Variants in GYS1 observed in about 807,000 individuals in gnomAD.
GYS1 encodes glycogen [starch] synthase, muscle.
GYS1 carries 60 observed loss-of-function variants against 89.1 expected under a neutral mutation model. The ratio of observed to expected loss-of-function variants is 0.67; its 90% CI spans 0.55 to 0.84. The LOEUF (loss-of-function observed/expected upper bound fraction) is 0.84. Among genes scored for constraint, GYS1 ranks in the 40% least tolerant of loss-of-function variants. The pLI is 0.00. For synonymous variants in GYS1, 366 were observed against 401.7 expected (o/e 0.91, Z 1.06); for missense variants, 888 against 1,003.1 (o/e 0.89, Z 1.55).
At chr19:48,980,311 T>C (rs2038739368) in intron 8 of GYS1, among the ~76,000 whole-genome samples, 1 of 152,186 alleles carries the variant, frequency 6.6e-6, no homozygotes, top group African/African-American at 2.4e-5. Flanking sequence ...TGCTTTATTT[T>C]TGCCCAAAAG....
intron 7 of GYS1, 58 bp from the exon 8 acceptor site, chr19:48,981,694 C>G: frequency 9.0e-7 from 1 of 1,116,060 alleles, no homozygotes; most frequent in Admixed American, 1.7e-5. Flanking sequence ...CTGGAACCAG[C>G]CAGCCTTTCT....
intron 2 of GYS1, among the ~76,000 whole-genome samples, chr19:48,988,637 C>T (rs759504904): frequency 2.2e-4 from 34 of 152,034 alleles, no homozygotes; most frequent in Non-Finnish European, 1.6e-4. Flanking sequence ...TTTTCAGAGA[C>T]GGGGTCTTGC....
rs545652108 is a variant in GYS1 at position 48,981,754 on chromosome 19, T to C, written c.1063-118A>G. 62 of 702,222 alleles carry C rather than the reference T, an allele frequency of 8.8e-5. No homozygotes were observed. The Admixed American group carries it at 1.0e-3, about 12-fold the overall frequency. 43.5% of individuals were successfully genotyped at this position (702,222 alleles called of 1,614,324 possible). Reference sequence around the variant, plus strand: ...TACCCATTCCTGTCAAGGAGAATTATAGGACAGTCCCCACCTGGACTCTGA... The same window carrying C: ...TACCCATTCCTGTCAAGGAGAATTACAGGACAGTCCCCACCTGGACTCTGA... On this transcript the variant is annotated intron_variant, in intron 7 of 15. Coordinates refer to ENST00000323798, the MANE Select transcript of GYS1 (RefSeq NM_002103.5).
intron 13 of GYS1, 107 bp from the exon 14 acceptor site, chr19:48,970,816 C>T (rs1261704768): frequency 1.4e-6 from 2 of 1,405,576 alleles, no homozygotes; most frequent in East Asian, 4.6e-5. Flanking sequence ...CCGAGAGCCC[C>T]CCCATTTCCT....
chr19:48,972,557 C>T (rs954538355), intron 12 of GYS1, among the ~76,000 whole-genome samples: 4 of 152,002 alleles, frequency 2.6e-5, no homozygotes, highest in African/African-American at 9.7e-5. Flanking sequence ...CAGCTCACTG[C>T]AATCTCTGCC....
intron 12 of GYS1, among the ~76,000 whole-genome samples, chr19:48,972,195 G>A (rs147051843): frequency 0.067 from 10,190 of 151,852 alleles, 510 homozygotes; most frequent in Non-Finnish European, 0.1. Flanking sequence ...AAAATTAGCT[G>A]GGTGTGGTGG....
At position 48,985,850 on chromosome 19, in the gene GYS1, G is replaced by A. The variant is rs760384808; in HGVS notation, c.678C>T (p.Asn226=). ...GAVDFYNNLE[N]FNVDKEAGER... Reference sequence around the variant, plus strand: ...CCCATCTGCCACGGTCCCAGCTCACGTTCTCCAGGTTGTTGTAGAAGTCCA... The same window carrying A: ...CCCATCTGCCACGGTCCCAGCTCACATTCTCCAGGTTGTTGTAGAAGTCCA... The change falls in exon 4 of 16, where the codon AAC becomes AAT. Residue 226 remains asparagine, a splice_region_variant and synonymous_variant. Coordinates refer to ENST00000323798, the MANE Select transcript of GYS1 (RefSeq NM_002103.5). The A allele has an allele frequency of 1.8e-5, 29 of 1,612,928 alleles. No homozygotes were observed. Among genetic ancestry groups the A allele is most frequent in the East Asian group, 1.6e-4 (7 of 44,896 alleles).
In GYS1 at chr19:48,985,525, G is replaced by A. The variant is rs149182914; in HGVS notation, c.759C>T (p.His253=). The A allele has an allele frequency of 3.6e-5, 58 of 1,614,036 alleles. 1 individual carries two copies. The highest frequency in any genetic ancestry group is 3.3e-4 in the Middle Eastern group (2 of 6,062). Residue 253 remains histidine (H), a synonymous_variant, in exon 5 of 16, where the codon CAC becomes CAT. Transcript: ENST00000323798. The part of the protein sequence containing the change: ...CMERAAAHCA[H]VFTTVSQITA... Reference sequence around the variant, plus strand: ...TGATCTGGGACACAGTAGTGAAGACGTGAGCGCAGTGGGCTGCCGCCCTTT... The same window carrying A: ...TGATCTGGGACACAGTAGTGAAGACATGAGCGCAGTGGGCTGCCGCCCTTT...
At chr19:48,976,126 GGC>G (rs979322222) in intron 10 of GYS1, among the ~76,000 whole-genome samples, 12 of 151,856 alleles carry the variant, frequency 7.9e-5, no homozygotes, top group Non-Finnish European at 1.5e-5. Flanking sequence ...TGAGTCTAGG[GGC>G]CCGAGAAACT....
At chr19:48,974,393 A>G in intron 11 of GYS1, 54 bp from the exon 12 acceptor site, 2 of 1,601,086 alleles carry the variant, frequency 1.2e-6, no homozygotes, top group East Asian at 4.5e-5. Flanking sequence ...CTAAGCCCTG[A>G]GATCCCAAGG....
chr19:48,984,593 G>A lies in GYS1; in HGVS notation c.823+868C>T, dbSNP rs146863240. Among the ~76,000 whole-genome samples, 1,014 of 150,338 alleles carry A rather than the reference G, an allele frequency of 6.7e-3. 12 individuals carry two copies. The highest frequency in any genetic ancestry group is 0.022 in the African/African-American group (881 of 40,912). ...GTATTTTTAGTAGAGATGGAGTTTC[G>A]CCATGTTGGCCAGGCTGGTCTCGAT... On this transcript the variant is annotated intron_variant, in intron 5 of 15. Coordinates refer to ENST00000323798, the MANE Select transcript of GYS1 (RefSeq NM_002103.5).
rs1319130391 is a variant in GYS1 at position 48,991,465 on chromosome 19, A to AC, written c.136dup (p.Val46GlyfsTer119). On this transcript the variant is annotated frameshift_variant, in exon 2 of 16. Transcript: ENST00000323798. LOFTEE classifies it high-confidence loss of function. This position sits in a 1 kb window ranked among gnomAD's most constrained non-coding sequence, Gnocchi z 4.7. ...TGTCACCTTCGCCTTCGTCTGCAGC[A>AC]CCGTGTAGATGCCACCCACTGTGGG... 6.2e-7 allele frequency: 1 copy of AC among 1,602,426 alleles called. No homozygotes were observed.
Position 48,970,273 on chromosome 19 carries a change from C to T in GYS1, c.1809+273G>A, listed in dbSNP as rs565380961. On this transcript the variant is annotated intron_variant, in intron 14 of 15. Transcript: ENST00000323798. The stretch of plus-strand genomic sequence containing the variant: ...CCCAGTAGCTGGGACTACAGGCACG[C>T]ACCATCACGCTCGGCTGATTTTTTT... 8.1e-4 allele frequency: 389 copies of T among 483,018 alleles called. 3 individuals carry two copies. Among genetic ancestry groups the T allele is most frequent in the South Asian group, 8.0e-3 (380 of 47,354 alleles). 29.9% of individuals were successfully genotyped at this position (483,018 alleles called of 1,614,324 possible). A position where few individuals can be genotyped will look rare whatever the true frequency, so the allele number is the denominator to read the frequency against.
Position 48,986,160 on chromosome 19 carries a change from G to A in GYS1, c.493-125C>T, listed in dbSNP as rs114840538. ...ACCACTACTGCACAGAGTGGGCAGC[G>A]GCCCACTGCAGCAATCCCAACCGGA... On this transcript the variant is annotated intron_variant, in intron 3 of 15. Coordinates refer to ENST00000323798, the MANE Select transcript of GYS1 (RefSeq NM_002103.5). 8,025 of 845,968 alleles carry A rather than the reference G, an allele frequency of 9.5e-3. 116 individuals carry two copies. The highest frequency in any genetic ancestry group is 0.05 in the African/African-American group (3,017 of 59,900). 52.4% of individuals were successfully genotyped at this position (845,968 alleles called of 1,614,324 possible). A position where few individuals can be genotyped will look rare whatever the true frequency, so the allele number is the denominator to read the frequency against.
At chr19:48,986,124 G>T in intron 3 of GYS1, 89 bp from the exon 4 acceptor site, 1 of 1,153,624 alleles carries the variant, frequency 8.7e-7, no homozygotes, top group Non-Finnish European at 1.3e-6. Context: ...TCGGGGAGAG[G>T]TCAATCTGTC....
intron 8 of GYS1, among the ~76,000 whole-genome samples, chr19:48,980,251 C>A (rs984052194): frequency 2.6e-5 from 4 of 152,226 alleles, no homozygotes; most frequent in African/African-American, 7.2e-5. Flanking sequence ...TGCCCAATAA[C>A]ACTTTCTCAG....
chr19:48,974,245 G>T lies in GYS1; in HGVS notation c.1517C>A (p.Pro506His). 6.2e-7 allele frequency: 1 copy of T among 1,611,902 alleles called. No homozygotes were observed. The change falls in exon 12 of 16, where the codon CCC becomes CAC. Residue 506 changes from proline (P) to histidine (H), a missense_variant. By Grantham distance (77) the Pro-to-His change is moderately conservative. Coordinates refer to ENST00000323798, the MANE Select transcript of GYS1 (RefSeq NM_002103.5). The stretch of plus-strand genomic sequence containing the variant: ...GTAGCCCCAAGGCTCATAGTAGGAG[G>T]GGAAGACTCCAAGGTGACAGCCACG... ...FVRGCHLGVF[P>H]SYYEPWGYTP...
chr19:48,978,213 GCTT>G, intron 8 of GYS1, 56 bp from the exon 9 acceptor site: 1 of 1,392,462 alleles, frequency 7.2e-7, no homozygotes, highest in Non-Finnish European at 1.0e-6. Context: ...TTACTGTTAG[GCTT>G]CTTTAGTTAG....
At chr19:48,986,141 A>G in intron 3 of GYS1, 106 bp from the exon 4 acceptor site, 2 of 992,052 alleles carry the variant, frequency 2.0e-6, no homozygotes, top group Non-Finnish European at 3.1e-6. Context: ...TGTCACCACT[A>G]CTGCACAGAG....
Sources: allele counts gnomAD v4.1 joint callset (sites outside exome capture counted in the v4.1 genomes callset), GRCh38; gene constraint gnomAD v4.1.1; non-coding constraint Gnocchi (gnomAD v3.1); transcripts MANE v1.5; gene names NCBI Gene and HGNC (gene_info 2026-07-23, HGNC 2026-07-21).